SLC44A5: variants seen among roughly 807,000 people sequenced by gnomAD.
SLC44A5 encodes the protein solute carrier family 44 member 5.
In SLC44A5, 57 loss-of-function variants were observed where a neutral mutation model predicts 101.8. The ratio of observed to expected loss-of-function variants is 0.56; its 90% confidence interval spans 0.45 to 0.70. SLC44A5 has a LOEUF of 0.70. Among genes scored for constraint, SLC44A5 ranks in the 30% least tolerant of loss-of-function variants. The probability of loss-of-function intolerance (pLI) is 0.00; values close to 1 mark genes in which losing one functional copy is unlikely to be tolerated. For missense variants in SLC44A5, 737 were observed against 853.1 expected (o/e 0.86, Z 1.70); for synonymous variants, 281 against 290.9 (o/e 0.97, Z 0.35).
intron 2 of SLC44A5, among the ~76,000 whole-genome samples, chr1:75,479,283 C>T (rs1667658575): frequency 6.6e-6 from 1 of 152,140 alleles, no homozygotes; most frequent in Non-Finnish European, 1.5e-5. Flanking sequence ...GCACTAAATG[C>T]CCACAAGAGA....
intron 1 of SLC44A5, among the ~76,000 whole-genome samples, chr1:75,545,697 C>A (rs449394): frequency 0.79 from 119,600 of 152,128 alleles, 47,300 homozygotes; most frequent in East Asian, 0.95. Context: ...TCCTGTTCCT[C>A]TTCAAACCTT....
At chr1:75,671,848 GGAA>G in the SLC44A5 span, among the ~76,000 whole-genome samples, 2 of 152,144 alleles carry the variant, frequency 1.3e-5, no homozygotes, top group East Asian at 3.9e-4. Flanking sequence ...TGGCTGTAGA[GGAA>G]CTGAAACTAT....
chr1:75,455,554 A>T (rs1191720121), intron 2 of SLC44A5, among the ~76,000 whole-genome samples: 1 of 152,164 alleles, frequency 6.6e-6, no homozygotes, highest in East Asian at 1.9e-4. Flanking sequence ...ACACCAAAAG[A>T]TACTATCAAC....
intron 1 of SLC44A5, among the ~76,000 whole-genome samples, chr1:75,564,263 G>T (rs78409244): frequency 1.3e-5 from 2 of 152,280 alleles, no homozygotes; most frequent in East Asian, 3.9e-4. Context: ...TTCATTGGGA[G>T]AATTAATTTC....
chr1:75,695,795 A>G, the SLC44A5 span, among the ~76,000 whole-genome samples: 1 of 148,282 alleles, frequency 6.7e-6, no homozygotes, highest in Admixed American at 6.8e-5. Flanking sequence ...GATACTATGT[A>G]TACTGTATGA....
rs565448397 is a variant in SLC44A5 at position 75,527,664 on chromosome 1, T to C, written c.13+13771A>G. On this transcript the variant is annotated intron_variant, in intron 2 of 23. Transcript: ENST00000370859. The stretch of plus-strand genomic sequence containing the variant: ...CCAATGAACAATTTTACTTATTTCA[T>C]TTTAAATTGATTTCTCTTTTTAGCA... 4.3e-4 allele frequency among the ~76,000 whole-genome samples: 66 copies of C among 152,212 alleles called. 2 individuals carry two copies. The South Asian group carries it at 0.013, about 31-fold the overall frequency.
chr1:75,334,278 A>T (rs767046742), intron 4 of SLC44A5, among the ~76,000 whole-genome samples: 1 of 152,192 alleles, frequency 6.6e-6, no homozygotes, highest in Non-Finnish European at 1.5e-5. Context: ...TATAATGCAT[A>T]TTTGCTGAAT....
chr1:75,679,253 C>T, the SLC44A5 span, among the ~76,000 whole-genome samples: 175 of 152,186 alleles, frequency 1.1e-3, no homozygotes, highest in African/African-American at 4.0e-3. Context: ...ATTCAGAAAA[C>T]ACAGAGAACG....
Position 75,279,462 on chromosome 1 carries a change from A to G in SLC44A5, c.176-4420T>C, listed in dbSNP as rs114678663. Reference sequence around the variant, plus strand: ...TGGCTTACATCATAACCACAACTTCATGAAGAACCTGGACCCAGAACCACC... The same window carrying G: ...TGGCTTACATCATAACCACAACTTCGTGAAGAACCTGGACCCAGAACCACC... On this transcript the variant is annotated intron_variant, in intron 5 of 23. Coordinates refer to ENST00000370859, the MANE Select transcript of SLC44A5 (RefSeq NM_001130058.2). Among the ~76,000 whole-genome samples, 1,090 of 152,270 alleles carry G rather than the reference A, an allele frequency of 7.2e-3. 9 individuals are homozygous for G. Among genetic ancestry groups the G allele is most frequent in the African/African-American group, 0.025 (1,050 of 41,558 alleles).
rs1033065118 is a variant in SLC44A5, at chr1:75,431,882, T to C, written c.14-35261A>G. ...GTATTTCCTAGTAGTCAGAAAGTAA[T>C]GTCTCTGTATCAAAGTTCATTCCTT... On this transcript the variant is annotated intron_variant, in intron 2 of 23. Transcript: ENST00000370859. Among the ~76,000 whole-genome samples, 8 of 152,288 alleles carry C rather than the reference T, an allele frequency of 5.3e-5. 1 individual carries two copies. Among genetic ancestry groups the C allele is most frequent in the African/African-American group, 1.2e-4 (5 of 41,564 alleles).
chr1:75,207,061 G>A (rs1303994580), intron 23 of SLC44A5, among the ~76,000 whole-genome samples: 1 of 152,128 alleles, frequency 6.6e-6, no homozygotes, highest in Non-Finnish European at 1.5e-5. Context: ...AATCCTCCGG[G>A]ATGGAGCTGA....
Position 75,242,024 on chromosome 1 carries a change from G to C in SLC44A5, c.509C>G (p.Thr170Arg). Residue 170 changes from threonine (T) to arginine (R), a missense_variant, in exon 9 of 24, where the codon ACA becomes AGA. Coordinates refer to ENST00000370859, the MANE Select transcript of SLC44A5 (RefSeq NM_001130058.2). ...ACAAGGTTTGCTGGGAAAAATCGCT[G>C]TTGGACAATCATCATCCAGTAAAAG... The part of the protein sequence containing the change: ...TQLLLDDDCP[T>R]AIFPSKPFLQ... 6.2e-7 allele frequency: 1 copy of C among 1,612,284 alleles called. No individual in the cohort carries two copies. Among genetic ancestry groups the C allele is most frequent in the South Asian group, 1.1e-5 (1 of 91,032 alleles).
intron 2 of SLC44A5, among the ~76,000 whole-genome samples, chr1:75,469,832 C>A (rs1375697232): frequency 2.1e-5 from 3 of 145,004 alleles, no homozygotes; most frequent in Non-Finnish European, 4.5e-5. Flanking sequence ...CCCAGGAATT[C>A]GAGGTTACAG....
chr1:75,371,938 C>T (rs1023311320), intron 3 of SLC44A5, among the ~76,000 whole-genome samples: 5 of 152,024 alleles, frequency 3.3e-5, no homozygotes, highest in African/African-American at 1.2e-4. Context: ...GGCTCAAGCC[C>T]GTAATCCCAG....
At chr1:75,461,236 G>A (rs1362455600) in intron 2 of SLC44A5, among the ~76,000 whole-genome samples, 2 of 152,048 alleles carry the variant, frequency 1.3e-5, no homozygotes, top group Non-Finnish European at 1.5e-5. Flanking sequence ...ACAGATAATC[G>A]AGCACATTAC....
At chr1:75,655,936 A>T in the SLC44A5 span, among the ~76,000 whole-genome samples, 1 of 152,236 alleles carries the variant, frequency 6.6e-6, no homozygotes, top group African/African-American at 2.4e-5. Flanking sequence ...ATTCAAACCA[A>T]ATAAGACTAC....
chr1:75,230,321 C>T (rs1213979002), intron 12 of SLC44A5, among the ~76,000 whole-genome samples: 1 of 151,842 alleles, frequency 6.6e-6, no homozygotes, highest in Non-Finnish European at 1.5e-5. Flanking sequence ...AATCTCAGCT[C>T]ACTGCAACCT....
chr1:75,519,557 C>CA (rs1018310969), intron 2 of SLC44A5, among the ~76,000 whole-genome samples: 1,723 of 138,614 alleles, frequency 0.012, 20 homozygotes, highest in African/African-American at 0.036. Context: ...GACTCCGTCT[C>CA]AAAAAAAAAA....
intron 3 of SLC44A5, among the ~76,000 whole-genome samples, chr1:75,372,295 T>A (rs1440783603): frequency 1.4e-4 from 21 of 151,462 alleles, no homozygotes; most frequent in Admixed American, 1.3e-3. Context: ...AAATAAAAAA[T>A]TTGCCCTTTT....
Sources: gnomAD v4.1 joint callset for allele counts (sites outside exome capture counted in the v4.1 genomes callset) on GRCh38, gnomAD v4.1.1 for gene constraint, MANE v1.5 for transcripts, NCBI Gene and HGNC (gene_info 2026-07-23, HGNC 2026-07-21) for gene names.